Variants in PFDN1 observed in about 807,000 individuals in gnomAD.
PFDN1 encodes prefoldin 1.
PFDN1 carries 6 observed loss-of-function variants against 17.3 expected under a neutral mutation model. The observed-to-expected ratio is 0.35, with a 90% CI of 0.19 to 0.69. PFDN1 has a LOEUF of 0.69. Among genes scored for constraint, PFDN1 ranks in the 30% least tolerant of loss-of-function variants. PFDN1 has a pLI of 0.65. For synonymous variants in PFDN1, 58 were observed against 50.1 expected (o/e 1.16, Z -0.67); for missense variants, 113 against 146.2 (o/e 0.77, Z 1.17).
intron 3 of PFDN1, 61 bp from the exon 4 acceptor site, chr5:140,246,118 C>T: frequency 2.0e-6 from 2 of 986,990 alleles, no homozygotes; most frequent in Non-Finnish European, 3.2e-6. Flanking sequence ...CTGGAAGACA[C>T]AGCTTTGATG....
At chr5:140,261,954 G>A (rs1765071389) in intron 3 of PFDN1, among the ~76,000 whole-genome samples, 1 of 152,004 alleles carries the variant, frequency 6.6e-6, no homozygotes, top group Non-Finnish European at 1.5e-5. Flanking sequence ...CCGCCCAGCT[G>A]CCACTTGTCC....
chr5:140,258,493 G>A (rs952110542), intron 3 of PFDN1, among the ~76,000 whole-genome samples: 14 of 151,378 alleles, frequency 9.2e-5, no homozygotes, highest in African/African-American at 2.2e-4. Flanking sequence ...GAATACACGC[G>A]TGAATGTTGG....
intron 2 of PFDN1, among the ~76,000 whole-genome samples, chr5:140,289,221 G>A (rs1765544699): frequency 6.6e-6 from 1 of 151,710 alleles, no homozygotes; most frequent in Admixed American, 6.6e-5. Context: ...AGGAGGTCAA[G>A]GGTGCAGTAA....
chr5:140,264,454 A>T (rs569344374), intron 3 of PFDN1, among the ~76,000 whole-genome samples: 1 of 152,362 alleles, frequency 6.6e-6, no homozygotes, highest in East Asian at 1.9e-4. Flanking sequence ...ATCAGAGCAA[A>T]GACAAGCAGT....
chr5:140,276,990 C>T (rs1015562417), intron 3 of PFDN1, among the ~76,000 whole-genome samples: 2 of 151,486 alleles, frequency 1.3e-5, no homozygotes, highest in African/African-American at 2.4e-5. Context: ...GAGGCCAAGG[C>T]GGGCAGATCA....
At chr5:140,282,755 A>G (rs1473517465) in intron 2 of PFDN1, among the ~76,000 whole-genome samples, 1 of 152,258 alleles carries the variant, frequency 6.6e-6, no homozygotes, top group Non-Finnish European at 1.5e-5. Flanking sequence ...TATAGCCCCA[A>G]GTAAGTGAAC....
chr5:140,276,308 G>A (rs1055724950), intron 3 of PFDN1, among the ~76,000 whole-genome samples: 9 of 152,146 alleles, frequency 5.9e-5, no homozygotes, highest in Admixed American at 4.6e-4. Context: ...GAGAACACAA[G>A]AAAGAAGCAG....
At chr5:140,246,980 C>G (rs547539363) in intron 3 of PFDN1, among the ~76,000 whole-genome samples, 1 of 152,178 alleles carries the variant, frequency 6.6e-6, no homozygotes, top group African/African-American at 2.4e-5. Context: ...ACCAGTAATA[C>G]AGTCACCAGG....
intron 3 of PFDN1, among the ~76,000 whole-genome samples, chr5:140,271,072 AG>A (rs1479708671): frequency 1.3e-5 from 2 of 152,230 alleles, no homozygotes; most frequent in Non-Finnish European, 2.9e-5. Flanking sequence ...ACAATGAACA[AG>A]GCATTGACAA....
intron 3 of PFDN1, chr5:140,262,387 T>C (rs991540266): frequency 1.8e-5 from 7 of 378,448 alleles, no homozygotes; most frequent in Non-Finnish European, 3.8e-5. Flanking sequence ...TCCCTCTCTT[T>C]CCCTGACTGA....
At chr5:140,275,411 A>C (rs1442188984) in intron 3 of PFDN1, among the ~76,000 whole-genome samples, 2 of 150,792 alleles carry the variant, frequency 1.3e-5, no homozygotes, top group African/African-American at 4.9e-5. Flanking sequence ...TCTGTCTCAA[A>C]AAAAAAAAAA....
intron 3 of PFDN1, among the ~76,000 whole-genome samples, chr5:140,266,659 A>G (rs1356612915): frequency 6.6e-6 from 1 of 152,284 alleles, no homozygotes; most frequent in Non-Finnish European, 1.5e-5. Context: ...ACAAAAATCA[A>G]TAAGCCCTCA....
chr5:140,292,465 C>T (rs1279042592), intron 2 of PFDN1, among the ~76,000 whole-genome samples: 1 of 152,088 alleles, frequency 6.6e-6, no homozygotes, highest in African/African-American at 2.4e-5. Context: ...AAAGGTTGGG[C>T]TTAGGGCAGT....
intron 3 of PFDN1, among the ~76,000 whole-genome samples, chr5:140,256,658 C>CAAAAAAAAAAAAAA (rs757723797): frequency 3.3e-4 from 13 of 39,900 alleles, no homozygotes; most frequent in Admixed American, 8.7e-4. Context: ...CAAAAAATGA[C>CAAAAAAAAAAAAAA]AAAAAAAAAA....
Position 140,250,943 on chromosome 5 carries a change from A to AT in PFDN1, c.286-4887dup, listed in dbSNP as rs35698096. Among the ~76,000 whole-genome samples the AT allele has an allele frequency of 1.3e-4, 20 of 151,298 alleles. No homozygotes were observed. In the South Asian group the frequency reaches 1.7e-3, roughly 13 times the overall value. ...AATTATTCTACATTATATTCTTTTTATTTTTTTTTGAAACAGGGTCTTGCT... is the reference window on the plus strand; with the variant it reads ...AATTATTCTACATTATATTCTTTTTATTTTTTTTTTGAAACAGGGTCTTGCT... On this transcript the variant is annotated intron_variant, in intron 3 of 3. Transcript: ENST00000261813.
chr5:140,253,688 G>C (rs148399755), intron 3 of PFDN1, among the ~76,000 whole-genome samples: 283 of 152,350 alleles, frequency 1.9e-3, no homozygotes, highest in Middle Eastern at 0.014. Flanking sequence ...AGGTGTAAAA[G>C]GGATGATGAC....
intron 3 of PFDN1, among the ~76,000 whole-genome samples, chr5:140,255,517 T>C (rs1187052731): frequency 6.6e-6 from 1 of 152,142 alleles, no homozygotes; most frequent in Non-Finnish European, 1.5e-5. Flanking sequence ...TGCATGTCTG[T>C]AGCCCCAGCT....
chr5:140,266,980 A>G (rs1369215648), intron 3 of PFDN1, among the ~76,000 whole-genome samples: 2 of 152,250 alleles, frequency 1.3e-5, no homozygotes, highest in Non-Finnish European at 2.9e-5. Flanking sequence ...GGTGTGGGTT[A>G]AAGTTAAATG....
chr5:140,271,584 T>C (rs12521429), intron 3 of PFDN1, among the ~76,000 whole-genome samples: 1,661 of 152,294 alleles, frequency 0.011, 23 homozygotes, highest in Admixed American at 0.029. Flanking sequence ...GTGTAAACGT[T>C]TTATACTTCT....
Sources: allele counts gnomAD v4.1 joint callset (sites outside exome capture counted in the v4.1 genomes callset), GRCh38; gene constraint gnomAD v4.1.1; transcripts MANE v1.5; gene names NCBI Gene and HGNC (gene_info 2026-07-23, HGNC 2026-07-21).